The following GABRG3 variants were observed in gnomAD, a reference collection of about 807,000 sequenced individuals.
GABRG3 encodes the protein gamma-aminobutyric acid type A receptor subunit gamma3.
GABRG3 carries 25 observed loss-of-function variants against 48.8 expected under a neutral mutation model. That is an observed-to-expected ratio of 0.51 (90% CI 0.37 to 0.72). The LOEUF (loss-of-function observed/expected upper bound fraction) is 0.72, where lower values mean the gene tolerates loss of function less well. Ranked by LOEUF, GABRG3 falls within the 30% of genes least tolerant of loss-of-function variation. The pLI is 0.00. For missense variants in GABRG3, 394 were observed against 577.9 expected, an observed-to-expected ratio of 0.68 and a Z score of 3.26; for synonymous variants, 227 against 217.6, an observed-to-expected ratio of 1.04 and a Z score of -0.38.
At chr15:27,036,097 G>T (rs976604784) in intron 3 of GABRG3, among the ~76,000 whole-genome samples, 2 of 152,248 alleles carry the variant, frequency 1.3e-5, no homozygotes, top group African/African-American at 4.8e-5. Flanking sequence ...TAAAGCTGTG[G>T]TGTTCATGAG....
At chr15:26,999,873 C>T (rs1185644387) in intron 2 of GABRG3, among the ~76,000 whole-genome samples, 1 of 152,004 alleles carries the variant, frequency 6.6e-6, no homozygotes, top group East Asian at 1.9e-4. Context: ...TTCTTTTCTA[C>T]TGTGATGTCT....
intron 6 of GABRG3, among the ~76,000 whole-genome samples, chr15:27,502,521 C>T (rs1890665682): frequency 6.6e-6 from 1 of 152,128 alleles, no homozygotes; most frequent in Admixed American, 6.5e-5. Context: ...CTGCAGGGGA[C>T]ACCAGCTGGG....
At chr15:27,215,784 T>C (rs1439064554) in intron 3 of GABRG3, among the ~76,000 whole-genome samples, 4 of 152,206 alleles carry the variant, frequency 2.6e-5, no homozygotes, top group Non-Finnish European at 4.4e-5. Context: ...CCCTGTGTGA[T>C]GTCAGTAAGC....
intron 3 of GABRG3, among the ~76,000 whole-genome samples, chr15:27,097,504 T>A (rs1303268719): frequency 6.6e-6 from 1 of 152,136 alleles, no homozygotes; most frequent in Non-Finnish European, 1.5e-5. Flanking sequence ...TGTTTTTCTC[T>A]TTCTCTTTTT....
chr15:27,151,946 C>G (rs1898324120), intron 3 of GABRG3, among the ~76,000 whole-genome samples: 1 of 152,176 alleles, frequency 6.6e-6, no homozygotes, highest in Non-Finnish European at 1.5e-5. Flanking sequence ...TTACTCCAGT[C>G]TGTAGCTTGT....
intron 3 of GABRG3, among the ~76,000 whole-genome samples, chr15:27,238,919 C>T (rs1321993450): frequency 2.6e-5 from 4 of 152,200 alleles, no homozygotes; most frequent in South Asian, 4.1e-4. Flanking sequence ...TGTTAGTATC[C>T]CAACAAACAA....
intron 3 of GABRG3, among the ~76,000 whole-genome samples, chr15:27,266,980 ATTTC>A (rs1219172301): frequency 2.6e-5 from 4 of 151,290 alleles, no homozygotes; most frequent in African/African-American, 9.7e-5. Context: ...TATGTCTTCT[ATTTC>A]TTTATTTTTT....
chr15:27,108,546 T>A (rs2140369060), intron 3 of GABRG3, among the ~76,000 whole-genome samples: 1 of 152,326 alleles, frequency 6.6e-6, no homozygotes, highest in Non-Finnish European at 1.5e-5. Flanking sequence ...AGAGGGCTTG[T>A]TCTGCTGTTG....
chr15:27,053,944 T>C (rs1182656529), intron 3 of GABRG3, among the ~76,000 whole-genome samples: 1 of 152,128 alleles, frequency 6.6e-6, no homozygotes, highest in Non-Finnish European at 1.5e-5. Flanking sequence ...GACATAAAGA[T>C]GGGAATAGAC....
In GABRG3 at chr15:27,451,508, C is replaced by G. The variant is rs896304472; in HGVS notation, c.575-29142C>G. Among the ~76,000 whole-genome samples, 5 of 151,996 alleles carry G rather than the reference C, an allele frequency of 3.3e-5. No homozygotes were observed. The South Asian group carries it at 1.0e-3, about 32-fold the overall frequency. ...CATATGCAAAAGAATGAAATTGGAC[C>G]CTTATCTCACACCATATACAAAAAT... is the stretch of plus-strand genomic sequence containing the variant. On this transcript the variant is annotated intron_variant, in intron 5 of 9. Coordinates refer to ENST00000615808, the MANE Select transcript of GABRG3 (RefSeq NM_033223.5).
intron 3 of GABRG3, among the ~76,000 whole-genome samples, chr15:27,075,562 A>G (rs1029579870): frequency 4.6e-5 from 7 of 152,160 alleles, no homozygotes; most frequent in Non-Finnish European, 2.9e-5. Context: ...TATTGTTTAT[A>G]TAAGAAATTC....
intron 5 of GABRG3, among the ~76,000 whole-genome samples, chr15:27,373,033 T>C (rs972138906): frequency 6.6e-6 from 1 of 152,104 alleles, no homozygotes; most frequent in African/African-American, 2.4e-5. Context: ...TTGCCTACTT[T>C]ACAGTATTGT....
At chr15:26,987,436 C>A (rs866579586) in intron 2 of GABRG3, among the ~76,000 whole-genome samples, 6 of 152,190 alleles carry the variant, frequency 3.9e-5, no homozygotes, top group Admixed American at 6.5e-5. Flanking sequence ...TCTTACAGAT[C>A]CTCTTATGAA....
At chr15:27,146,605 G>A (rs893608495) in intron 3 of GABRG3, among the ~76,000 whole-genome samples, 4 of 152,022 alleles carry the variant, frequency 2.6e-5, no homozygotes, top group African/African-American at 4.8e-5. Context: ...CTCTGTTGAT[G>A]GACATCATAA....
At chr15:27,360,831 G>C (rs1189567320) in intron 5 of GABRG3, among the ~76,000 whole-genome samples, 1 of 152,194 alleles carries the variant, frequency 6.6e-6, no homozygotes, top group Admixed American at 6.5e-5. Context: ...AGAACTTTTG[G>C]CTCCCTGATG....
At chr15:27,125,142 TA>T (rs199891559) in intron 3 of GABRG3, among the ~76,000 whole-genome samples, 2 of 152,014 alleles carry the variant, frequency 1.3e-5, no homozygotes, top group Admixed American at 6.6e-5. Context: ...TTTTTATTAG[TA>T]AAAAAAAGAA....
intron 3 of GABRG3, among the ~76,000 whole-genome samples, chr15:27,108,872 G>A (rs1897495957): frequency 6.6e-6 from 1 of 152,004 alleles, no homozygotes; most frequent in African/African-American, 2.4e-5. Context: ...CTGATTTTCT[G>A]TAATTAATAT....
At chr15:27,508,961 C>T (rs769318453) in intron 6 of GABRG3, among the ~76,000 whole-genome samples, 100 of 152,190 alleles carry the variant, frequency 6.6e-4, no homozygotes, top group Admixed American at 1.9e-3. Context: ...CCTCCTGATC[C>T]GCCCGCCTTG....
chr15:27,464,846 TC>T (rs1293716305), intron 5 of GABRG3, among the ~76,000 whole-genome samples: 3 of 152,238 alleles, frequency 2.0e-5, no homozygotes, highest in Admixed American at 2.0e-4. Flanking sequence ...CTTCATATAT[TC>T]TGGGTGAAAA....
Sources: gnomAD v4.1 joint callset for allele counts (sites outside exome capture counted in the v4.1 genomes callset) on GRCh38, gnomAD v4.1.1 for gene constraint, MANE v1.5 for transcripts, NCBI Gene and HGNC (gene_info 2026-07-23, HGNC 2026-07-21) for gene names.